MSI2: variants seen among roughly 807,000 people sequenced by gnomAD.
MSI2 encodes the protein RNA-binding protein Musashi homolog 2.
MSI2 carries 17 observed loss-of-function variants against 45.6 expected under a neutral mutation model. That is an observed-to-expected ratio of 0.37 (90% CI 0.26 to 0.56). MSI2 has a LOEUF of 0.56. Among genes scored for constraint, MSI2 ranks in the 20% least tolerant of loss-of-function variants. The pLI is 0.77. For synonymous variants in MSI2, 156 were observed against 158.2 expected (o/e 0.99, Z 0.11); for missense variants, 293 against 444.2 (o/e 0.66, Z 3.06).
intron 6 of MSI2, among the ~76,000 whole-genome samples, chr17:57,463,713 C>T (rs1321917996): frequency 6.6e-6 from 1 of 151,552 alleles, no homozygotes; most frequent in Admixed American, 6.6e-5. Context: ...TGCTCCAGCC[C>T]CCTGCTCTGC....
At chr17:57,467,793 G>A (rs963275602) in intron 6 of MSI2, among the ~76,000 whole-genome samples, 1 of 150,946 alleles carries the variant, frequency 6.6e-6, no homozygotes, top group African/African-American at 2.4e-5. Flanking sequence ...CTCCAGGAAG[G>A]CCATTCTCAT....
intron 11 of MSI2, 29 bp from the exon 12 acceptor site, chr17:57,674,943 G>A (rs375962873): frequency 1.6e-5 from 26 of 1,611,858 alleles, no homozygotes; most frequent in South Asian, 4.4e-5. Context: ...GTGCTCAACC[G>A]AATTTTGGCG....
chr17:57,294,701 G>A (rs1288435914), intron 5 of MSI2: 1 of 152,294 alleles, frequency 6.6e-6, no homozygotes, highest in Non-Finnish European at 1.5e-5. Context: ...AGTCGATCCT[G>A]TGTTTGTGCT....
chr17:57,638,181 C>T (rs977739803), intron 10 of MSI2, among the ~76,000 whole-genome samples: 1 of 152,160 alleles, frequency 6.6e-6, no homozygotes, highest in African/African-American at 2.4e-5. Context: ...AAAGATGTGT[C>T]CCCCCACCCT....
chr17:57,282,010 T>G (rs1395298068), intron 5 of MSI2, among the ~76,000 whole-genome samples: 2 of 152,178 alleles, frequency 1.3e-5, no homozygotes, highest in Non-Finnish European at 2.9e-5. Context: ...CATTTTAAAT[T>G]TGTCACTGCT....
intron 7 of MSI2, among the ~76,000 whole-genome samples, chr17:57,563,385 G>A (rs2087636134): frequency 6.6e-6 from 1 of 151,990 alleles, no homozygotes; most frequent in African/African-American, 2.4e-5. Context: ...CTACACTTGG[G>A]GACCATTTAT....
chr17:57,415,374 A>T (rs147857025), intron 6 of MSI2, among the ~76,000 whole-genome samples: 1 of 152,032 alleles, frequency 6.6e-6, no homozygotes, highest in Non-Finnish European at 1.5e-5. Flanking sequence ...GTCGGGAATT[A>T]TGTGGGGTTG....
intron 6 of MSI2, among the ~76,000 whole-genome samples, chr17:57,500,514 T>C (rs2086080606): frequency 6.6e-6 from 1 of 151,664 alleles, no homozygotes; most frequent in Non-Finnish European, 1.5e-5. Flanking sequence ...GTTGGACAGT[T>C]GCCCGCTTGG....
chr17:57,529,838 G>A lies in MSI2; in HGVS notation c.454+114G>A. 1.2e-6 allele frequency: 1 copy of A among 803,936 alleles called. No individual in the cohort carries two copies. Among genetic ancestry groups the A allele is most frequent in the Non-Finnish European group, 2.0e-6 (1 of 500,990 alleles). 49.8% of individuals were successfully genotyped at this position (803,936 alleles called of 1,614,324 possible). A position where few individuals can be genotyped will look rare whatever the true frequency, so the allele number is the denominator to read the frequency against. On this transcript the variant is annotated intron_variant, in intron 7 of 13. Transcript: ENST00000284073. The surrounding 1 kb of genome is among the most constrained non-coding windows in gnomAD (Gnocchi z 5.3). ...TGAAGAGTCCAGAGTCAAGCAGGTAGAGGTGACCATCCATTGAAGATCTTT... is the reference window on the plus strand; with the variant it reads ...TGAAGAGTCCAGAGTCAAGCAGGTAAAGGTGACCATCCATTGAAGATCTTT...
intron 6 of MSI2, chr17:57,449,736 C>T (rs1475867762): frequency 6.6e-6 from 1 of 152,090 alleles, no homozygotes; most frequent in East Asian, 1.9e-4. Flanking sequence ...CTATTAAAAG[C>T]TGTAGCACCA....
intron 7 of MSI2, among the ~76,000 whole-genome samples, chr17:57,564,505 G>C (rs1318650049): frequency 6.6e-6 from 1 of 152,212 alleles, no homozygotes. Flanking sequence ...GGGTGATGAT[G>C]ATGGTGAGGC....
At chr17:57,623,083 GC>G (rs1329730084) in intron 9 of MSI2, among the ~76,000 whole-genome samples, 2 of 152,202 alleles carry the variant, frequency 1.3e-5, no homozygotes, top group Admixed American at 1.3e-4. Context: ...GTCTGGAGGA[GC>G]CCCTGCAACT....
At chr17:57,268,426 C>G (rs906019105) in intron 5 of MSI2, 4 of 152,048 alleles carry the variant, frequency 2.6e-5, no homozygotes, top group Non-Finnish European at 5.9e-5. Flanking sequence ...AATTATTTAC[C>G]AAGTTTCTGC....
intron 5 of MSI2, among the ~76,000 whole-genome samples, chr17:57,392,713 T>C (rs1329130992): frequency 6.6e-6 from 1 of 152,178 alleles, no homozygotes; most frequent in East Asian, 1.9e-4. Context: ...TATACCTTTT[T>C]CCAGTGGTCA....
At chr17:57,608,909 A>C (rs1426326818) in intron 8 of MSI2, among the ~76,000 whole-genome samples, 1 of 152,260 alleles carries the variant, frequency 6.6e-6, no homozygotes, top group African/African-American at 2.4e-5. Flanking sequence ...AAGGCTTGTG[A>C]TTGGCAGAGG....
At chr17:57,498,754 T>C (rs571039198) in intron 6 of MSI2, among the ~76,000 whole-genome samples, 3 of 152,256 alleles carry the variant, frequency 2.0e-5, no homozygotes, top group South Asian at 4.2e-4. Context: ...TCATGGAACC[T>C]TTCTTTCTTT....
intron 5 of MSI2, among the ~76,000 whole-genome samples, chr17:57,332,248 G>A (rs1010275209): frequency 2.0e-5 from 3 of 152,130 alleles, no homozygotes; most frequent in Non-Finnish European, 4.4e-5. Flanking sequence ...TTACAGGCGT[G>A]TGCCACCACA....
At chr17:57,309,751 G>A (rs1449231949) in intron 5 of MSI2, among the ~76,000 whole-genome samples, 4 of 152,148 alleles carry the variant, frequency 2.6e-5, no homozygotes, top group Admixed American at 2.6e-4. Flanking sequence ...GGGAAGAGGA[G>A]GCAGAGAGGG....
chr17:57,634,051 G>A (rs1027033572), intron 10 of MSI2, among the ~76,000 whole-genome samples: 4 of 152,238 alleles, frequency 2.6e-5, no homozygotes, highest in Middle Eastern at 3.4e-3. Flanking sequence ...TACTGAAATA[G>A]GTACCAGACA....
Sources: allele counts gnomAD v4.1 joint callset (sites outside exome capture counted in the v4.1 genomes callset), GRCh38; gene constraint gnomAD v4.1.1; non-coding constraint Gnocchi (gnomAD v3.1); transcripts MANE v1.5; gene names NCBI Gene and HGNC (gene_info 2026-07-23, HGNC 2026-07-21).